Variants in SDK1 observed in about 807,000 individuals in gnomAD.
The protein encoded by SDK1 is protein sidekick-1.
A neutral mutation model predicts 245.5 loss-of-function variants in SDK1; 157 were observed. That is an observed-to-expected ratio of 0.64 (90% CI 0.56 to 0.73). SDK1 has a LOEUF of 0.73. SDK1 is among the 30% of genes least tolerant of loss of function. The probability of loss-of-function intolerance (pLI) is 0.00; values close to 1 mark genes in which losing one functional copy is unlikely to be tolerated. For missense variants in SDK1, 3,583 were observed against 3,002.3 expected (o/e 1.19, Z -4.52); for synonymous variants, 1,647 against 1,278.5 (o/e 1.29, Z -6.15).
At chr7:3,643,391 G>A (rs1782714512) in intron 4 of SDK1, 1 of 147,138 alleles carries the variant, frequency 6.8e-6, no homozygotes. Context: ...GAGCATCTGT[G>A]GAATCCCTTC....
intron 5 of SDK1, among the ~76,000 whole-genome samples, chr7:3,877,952 G>T (rs151010133): frequency 6.6e-6 from 1 of 152,210 alleles, no homozygotes; most frequent in Non-Finnish European, 1.5e-5. Context: ...TGTTTCCTTA[G>T]AGTACATTCG....
At chr7:3,499,653 G>T (rs776894884) in intron 1 of SDK1, among the ~76,000 whole-genome samples, 2 of 152,144 alleles carry the variant, frequency 1.3e-5, no homozygotes, top group African/African-American at 2.4e-5. Context: ...TATACCCATC[G>T]CTGTGTAAGG....
At chr7:4,065,691 GTTGTTT>G (rs1779839397) in intron 19 of SDK1, among the ~76,000 whole-genome samples, 1 of 29,472 alleles carries the variant, frequency 3.4e-5, no homozygotes, top group African/African-American at 1.7e-4. Flanking sequence ...ATGAGTGGTT[GTTGTTT>G]TTTTTTTTTT....
At chr7:3,735,421 T>G (rs1779292287) in intron 4 of SDK1, among the ~76,000 whole-genome samples, 1 of 152,158 alleles carries the variant, frequency 6.6e-6, no homozygotes, top group Non-Finnish European at 1.5e-5. Flanking sequence ...CAGAGAGTAT[T>G]TTGACTTTGT....
chr7:3,666,772 G>A (rs1385398473), intron 4 of SDK1, among the ~76,000 whole-genome samples: 4 of 152,170 alleles, frequency 2.6e-5, no homozygotes, highest in Non-Finnish European at 5.9e-5. Flanking sequence ...TCAAAGGAGA[G>A]ACATCCTTTA....
intron 4 of SDK1, among the ~76,000 whole-genome samples, chr7:3,776,520 T>C (rs1162331316): frequency 1.3e-5 from 2 of 152,216 alleles, no homozygotes; most frequent in East Asian, 1.9e-4. Flanking sequence ...TCTGGATATA[T>C]GTCTTCGTCA....
chr7:3,311,681 T>C (rs1261133831), intron 1 of SDK1, among the ~76,000 whole-genome samples: 2 of 152,180 alleles, frequency 1.3e-5, no homozygotes, highest in Non-Finnish European at 2.9e-5. Context: ...CGTGGAGGCT[T>C]CTAGCAACAT....
chr7:3,556,187 T>G (rs573466204), intron 1 of SDK1, among the ~76,000 whole-genome samples: 25 of 151,684 alleles, frequency 1.6e-4, no homozygotes, highest in African/African-American at 6.0e-4. Flanking sequence ...AGCAGATGAA[T>G]GGATAAAGAA....
intron 4 of SDK1, among the ~76,000 whole-genome samples, chr7:3,712,736 A>G (rs191751748): frequency 1.3e-5 from 2 of 152,218 alleles, no homozygotes; most frequent in African/African-American, 4.8e-5. Context: ...AAATGGGTAC[A>G]AGAGTATACC....
At chr7:3,568,339 GTTC>G (rs1481737701) in intron 1 of SDK1, among the ~76,000 whole-genome samples, 4 of 152,078 alleles carry the variant, frequency 2.6e-5, no homozygotes, top group African/African-American at 9.7e-5. Context: ...AAATAATGTT[GTTC>G]TTCTCAGTGT....
intron 4 of SDK1, among the ~76,000 whole-genome samples, chr7:3,755,035 A>T (rs1779880722): frequency 1.3e-5 from 2 of 152,198 alleles, no homozygotes; most frequent in Non-Finnish European, 1.5e-5. Context: ...ACAAAGACCA[A>T]ATGAGAACAA....
intron 4 of SDK1, among the ~76,000 whole-genome samples, chr7:3,673,114 G>A (rs984062247): frequency 4.6e-5 from 7 of 152,000 alleles, no homozygotes; most frequent in East Asian, 1.9e-4. Flanking sequence ...TAAGGCAGCG[G>A]TTCCTCAATT....
At chr7:3,322,257 GGCTGCTTTTGCCTGGTGT>G (rs1439034409) in intron 1 of SDK1, among the ~76,000 whole-genome samples, 6 of 152,102 alleles carry the variant, frequency 3.9e-5, no homozygotes, top group Non-Finnish European at 5.9e-5. Context: ...CTTTGTGTCT[GGCTGCTTTTGCCTGGTGT>G]GATGTTTGAG....
chr7:3,868,259 C>A (rs1448230387), intron 5 of SDK1, among the ~76,000 whole-genome samples: 1 of 152,160 alleles, frequency 6.6e-6, no homozygotes, highest in Admixed American at 6.5e-5. Flanking sequence ...ATCATTGATT[C>A]TGAAAAATGT....
At chr7:3,347,230 T>C (rs902004780) in intron 1 of SDK1, among the ~76,000 whole-genome samples, 5 of 152,034 alleles carry the variant, frequency 3.3e-5, no homozygotes, top group African/African-American at 1.2e-4. Flanking sequence ...GATTTTTTTT[T>C]ATATTCTTTT....
chr7:4,253,944 T>C (rs1254939251), intron 44 of SDK1, among the ~76,000 whole-genome samples: 1 of 152,196 alleles, frequency 6.6e-6, no homozygotes, highest in Non-Finnish European at 1.5e-5. Flanking sequence ...TTTCCAAATA[T>C]ATCATTTTGA....
At chr7:4,160,206 T>G (rs1231068099) in intron 31 of SDK1, among the ~76,000 whole-genome samples, 6 of 152,240 alleles carry the variant, frequency 3.9e-5, no homozygotes, top group African/African-American at 1.4e-4. Context: ...TAACGTTACC[T>G]TTAACACAGT....
At chr7:3,469,573 A>G (rs529388477) in intron 1 of SDK1, among the ~76,000 whole-genome samples, 2 of 152,264 alleles carry the variant, frequency 1.3e-5, no homozygotes, top group South Asian at 2.1e-4. Context: ...GCCTATTCCT[A>G]GGTTGTTTTT....
chr7:3,862,632 C>T (rs1002742164), intron 5 of SDK1, among the ~76,000 whole-genome samples: 3 of 152,154 alleles, frequency 2.0e-5, no homozygotes, highest in Non-Finnish European at 4.4e-5. Flanking sequence ...TTCACTTAGT[C>T]TCTTCCTTAT....
Sources: allele counts gnomAD v4.1 joint callset (sites outside exome capture counted in the v4.1 genomes callset), GRCh38; gene constraint gnomAD v4.1.1; transcripts MANE v1.5; gene names NCBI Gene and HGNC (gene_info 2026-07-23, HGNC 2026-07-21).